TULP4: variants seen among roughly 807,000 people sequenced by gnomAD.
TULP4 encodes TUB like protein 4.
Under a neutral mutation model 129.0 loss-of-function variants are expected in TULP4, and 16 were observed. The ratio of observed to expected loss-of-function variants is 0.12; its 90% CI spans 0.08 to 0.19. The LOEUF (loss-of-function observed/expected upper bound fraction) is 0.19, where lower values mean the gene tolerates loss of function less well. TULP4 is among the 10% of genes least tolerant of loss of function. The pLI is 1.00. For synonymous variants in TULP4, 998 were observed against 854.0 expected (o/e 1.17, Z -2.94); for missense variants, 1,842 against 2,059.1 (o/e 0.89, Z 2.04).
At position 158,454,544 on chromosome 6, in the gene TULP4, T is replaced by C. The variant is rs115721855; in HGVS notation, c.859+2276T>C. Among the ~76,000 whole-genome samples, 451 of 152,188 alleles carry C rather than the reference T, an allele frequency of 3.0e-3. 1 individual carries two copies. The highest frequency in any genetic ancestry group is 1.0e-2 in the African/African-American group (414 of 41,536). ...GAATTTTTCCAGTTTTTTACCACCCTGCTTATGGAAACTTTATTTTTTATG... is the reference window on the plus strand; with the variant it reads ...GAATTTTTCCAGTTTTTTACCACCCCGCTTATGGAAACTTTATTTTTTATG... On this transcript the variant is annotated intron_variant, in intron 5 of 13. Transcript: ENST00000367097.
chr6:158,248,159 T>G (rs534800167), intron 1 of TULP4, among the ~76,000 whole-genome samples: 1 of 152,200 alleles, frequency 6.6e-6, no homozygotes, highest in Non-Finnish European at 1.5e-5. Context: ...ATGTGATGCC[T>G]GGCCGTGCAT....
At chr6:158,338,268 T>C (rs1780091533) in intron 1 of TULP4, among the ~76,000 whole-genome samples, 1 of 152,168 alleles carries the variant, frequency 6.6e-6, no homozygotes, top group Non-Finnish European at 1.5e-5. Flanking sequence ...GCTGGAATTA[T>C]AGTCAGTCTT....
intron 6 of TULP4, among the ~76,000 whole-genome samples, chr6:158,472,475 A>G (rs1015994385): frequency 1.3e-5 from 2 of 152,208 alleles, no homozygotes; most frequent in African/African-American, 2.4e-5. Context: ...TCAATAATAG[A>G]AAGTTAAATA....
intron 5 of TULP4, among the ~76,000 whole-genome samples, chr6:158,453,945 T>TC (rs1266597339): frequency 6.8e-6 from 1 of 146,864 alleles, no homozygotes; most frequent in Non-Finnish European, 1.5e-5. Flanking sequence ...AGAGGGAGAC[T>TC]CCGTCTCAAA....
intron 4 of TULP4, among the ~76,000 whole-genome samples, chr6:158,451,439 C>T (rs557303896): frequency 6.6e-6 from 1 of 152,190 alleles, no homozygotes; most frequent in Non-Finnish European, 1.5e-5. Flanking sequence ...CTTCTGAAAA[C>T]GTTGCTCTAT....
At chr6:158,360,674 T>A (rs1304171292) in intron 1 of TULP4, among the ~76,000 whole-genome samples, 2 of 152,188 alleles carry the variant, frequency 1.3e-5, no homozygotes, top group African/African-American at 2.4e-5. Flanking sequence ...GTTTACTTAA[T>A]GTTGGAAGAC....
chr6:158,491,724 C>G (rs1780215393), intron 9 of TULP4, among the ~76,000 whole-genome samples: 1 of 151,956 alleles, frequency 6.6e-6, no homozygotes, highest in African/African-American at 2.4e-5. Flanking sequence ...ATCTCCTGAC[C>G]TCATGATCCG....
At position 158,423,122 on chromosome 6, in the gene TULP4, AGGG is replaced by A. The variant is rs34027309; in HGVS notation, c.382-6603_382-6601del. Among the ~76,000 whole-genome samples, 416 of 106,914 alleles carry A rather than the reference AGGG, an allele frequency of 3.9e-3. 7 individuals carry two copies. Among genetic ancestry groups the A allele is most frequent in the African/African-American group, 0.011 (375 of 34,664 alleles). The allele number at this position is 106,914 out of a possible 152,430, so 70.1% of individuals were successfully genotyped here. ...CAAGACCCCTTCCTCCACAAAAAAG[AGGG>A]GGGGGGGGGGAAAGAAACCTTCCCA... On this transcript the variant is annotated intron_variant, in intron 2 of 13. Transcript: ENST00000367097.
chr6:158,277,003 A>G (rs750868515), intron 1 of TULP4, among the ~76,000 whole-genome samples: 14 of 151,778 alleles, frequency 9.2e-5, no homozygotes, highest in Non-Finnish European at 1.8e-4. Context: ...GCAGTGGTGC[A>G]ATCATGGCTC....
Position 158,467,028 on chromosome 6 carries a change from C to A in TULP4, c.1026+5299C>A, listed in dbSNP as rs185802650. Among the ~76,000 whole-genome samples, 350 of 152,272 alleles carry A rather than the reference C, an allele frequency of 2.3e-3. 1 individual carries two copies. The highest frequency in any genetic ancestry group is 7.9e-3 in the African/African-American group (328 of 41,538). The stretch of plus-strand genomic sequence containing the variant: ...CTTACTTCACAGACCCATTAGCCAT[C>A]TCATAAGCATTGCACATTCAACATG... On this transcript the variant is annotated intron_variant, in intron 6 of 13. Transcript: ENST00000367097.
intron 1 of TULP4, among the ~76,000 whole-genome samples, chr6:158,274,865 C>T (rs927475419): frequency 6.6e-6 from 1 of 152,190 alleles, no homozygotes; most frequent in African/African-American, 2.4e-5. Flanking sequence ...GCCTACAGGC[C>T]GCTCCTAAGC....
chr6:158,412,323 A>G (rs974768610), intron 1 of TULP4, among the ~76,000 whole-genome samples: 2 of 152,274 alleles, frequency 1.3e-5, no homozygotes, highest in Admixed American at 6.5e-5. Context: ...GGACCATTCC[A>G]TAACCCTCAG....
At chr6:158,371,509 A>G (rs751692476) in intron 1 of TULP4, among the ~76,000 whole-genome samples, 5 of 152,220 alleles carry the variant, frequency 3.3e-5, no homozygotes, top group Admixed American at 2.0e-4. Context: ...GTGTTTATGA[A>G]GTGCACTGCC....
chr6:158,438,943 G>A (rs531711753), intron 3 of TULP4, among the ~76,000 whole-genome samples: 1 of 152,214 alleles, frequency 6.6e-6, no homozygotes, highest in East Asian at 1.9e-4. Flanking sequence ...AGGCCGAGGC[G>A]GGGGAATCAC....
chr6:158,482,913 C>T (rs889876159), intron 8 of TULP4, among the ~76,000 whole-genome samples: 4 of 152,226 alleles, frequency 2.6e-5, no homozygotes, highest in African/African-American at 9.7e-5. Flanking sequence ...GCCTGCTCTT[C>T]CTTCCGGTTC....
chr6:158,501,232 A>C (rs1780437187), intron 12 of TULP4, among the ~76,000 whole-genome samples: 2 of 152,148 alleles, frequency 1.3e-5, no homozygotes, highest in Non-Finnish European at 2.9e-5. Context: ...CACTTTCCAC[A>C]CTATCCATCC....
At position 158,461,625 on chromosome 6, in the gene TULP4, A is replaced by T. The variant is rs1166004213; in HGVS notation, c.922A>T (p.Thr308Ser). The T allele has an allele frequency of 1.2e-6, 2 of 1,614,010 alleles. No homozygotes were observed. The highest frequency in any genetic ancestry group is 2.2e-5 in the East Asian group (1 of 44,848). The change falls in exon 6 of 14, where the codon ACC becomes TCC. Residue 308 changes from threonine (T) to serine (S), a missense_variant. Thr to Ser is a moderately conservative substitution (Grantham distance 58, BLOSUM62 1). This residue lies in a region of TULP4 where 456 missense variants were observed against 534.3 expected (regional missense o/e 0.85). Transcript: ENST00000367097. ...GGCAGTCGCTGGGATGGAACGGCAG[A>T]CCCAGCTTGGTGAGCTTCCCAATGG... ...LLAVAGMERQ[T>S]QLGELPNGPL...
chr6:158,315,990 C>T lies in TULP4; in HGVS notation c.252+1722C>T, dbSNP rs534296223. Among the ~76,000 whole-genome samples the T allele has an allele frequency of 3.3e-5, 5 of 152,342 alleles. No homozygotes were observed. In the East Asian group the frequency reaches 9.6e-4, roughly 29 times the overall value. On this transcript the variant is annotated intron_variant, in intron 1 of 13. Coordinates refer to ENST00000367097, the MANE Select transcript of TULP4 (RefSeq NM_020245.5). ...AACATTCAGATCCTAGCACGCCCCTCCTGAGAAGTAACTCATATTCTGACT... is the reference window on the plus strand; with the variant it reads ...AACATTCAGATCCTAGCACGCCCCTTCTGAGAAGTAACTCATATTCTGACT...
Position 158,360,253 on chromosome 6 carries a change from C to T in TULP4, c.252+45985C>T, listed in dbSNP as rs1223656695. Among the ~76,000 whole-genome samples the T allele has an allele frequency of 3.3e-5, 5 of 152,138 alleles. No individual in the cohort carries two copies. The South Asian group carries it at 1.0e-3, about 32-fold the overall frequency. ...CTCCTGTATGGCTCCTGTACAGTGT[C>T]ACTCCGGGTGTAGCACGATGCACTC... On this transcript the variant is annotated intron_variant, in intron 1 of 13. Coordinates refer to ENST00000367097, the MANE Select transcript of TULP4 (RefSeq NM_020245.5).
Sources: allele counts gnomAD v4.1 joint callset (sites outside exome capture counted in the v4.1 genomes callset), GRCh38; gene constraint gnomAD v4.1.1; regional missense constraint gnomAD v4.1.1; transcripts MANE v1.5; gene names NCBI Gene and HGNC (gene_info 2026-07-23, HGNC 2026-07-21).